The following ADAMTS15 variants were observed in gnomAD, a reference collection of about 807,000 sequenced individuals.
ADAMTS15 encodes ADAM metallopeptidase with thrombospondin type 1 motif 15, also known as A disintegrin and metalloproteinase with thrombospondin motifs 15.
A neutral mutation model predicts 79.1 loss-of-function variants in ADAMTS15; 35 were observed. That is an observed-to-expected ratio of 0.44 (90% CI 0.34 to 0.59). The LOEUF (loss-of-function observed/expected upper bound fraction) is 0.59. Ranked by LOEUF, ADAMTS15 falls within the 20% of genes least tolerant of loss-of-function variation. ADAMTS15 has a pLI of 0.02. For missense variants in ADAMTS15, 1,324 were observed against 1,318.7 expected (o/e 1.00, Z -0.06); for synonymous variants, 616 against 567.3 (o/e 1.09, Z -1.22).
rs1389830421 is a variant in ADAMTS15, at chr11:130,472,751, C to T, written c.2079-296C>T. Among the ~76,000 whole-genome samples, 4 of 150,542 alleles carry T rather than the reference C, an allele frequency of 2.7e-5. No individual in the cohort carries two copies. Among genetic ancestry groups the T allele is most frequent in the East Asian group, 3.9e-4 (2 of 5,124 alleles). On this transcript the variant is annotated intron_variant, in intron 7 of 7. Transcript: ENST00000299164. This position sits in a 1 kb window ranked among gnomAD's most constrained non-coding sequence, Gnocchi z 4.7. ...CTACATATCCTTGATGTGTGCCAGG[C>T]ACCACGCTACATGCTTTCTGTGCTT...
chr11:130,465,446 C>T (rs1162979721), intron 4 of ADAMTS15, among the ~76,000 whole-genome samples: 1 of 152,190 alleles, frequency 6.6e-6, no homozygotes, highest in African/African-American at 2.4e-5. Context: ...AGAATACAAA[C>T]CTGTTGTAAT....
rs1938233349 is a variant in ADAMTS15, at chr11:130,462,936, T to C, written c.1542+156T>C. 6.6e-6 allele frequency among the ~76,000 whole-genome samples: 1 copy of C among 152,210 alleles called. No individual in the cohort carries two copies. The highest frequency in any genetic ancestry group is 1.5e-5 in the Non-Finnish European group (1 of 68,030). ...TGGCTGAGCTGTGCCTTCACTGCCC[T>C]GTATATAGTCCTATCCCCTTCTTGA... On this transcript the variant is annotated intron_variant, in intron 4 of 7. Transcript: ENST00000299164. This position sits in a 1 kb window ranked among gnomAD's most constrained non-coding sequence, Gnocchi z 4.3.
chr11:130,471,013 C>T lies in ADAMTS15; in HGVS notation c.1814C>T (p.Pro605Leu), dbSNP rs1938441134. 7 of 1,613,846 alleles carry T rather than the reference C, an allele frequency of 4.3e-6. No individual in the cohort carries two copies. The highest frequency in any genetic ancestry group is 5.9e-6 in the Non-Finnish European group (7 of 1,180,040). Residue 605 changes from proline (P) to leucine (L), a missense_variant, in exon 6 of 8, where the codon CCC (proline) becomes CTC (leucine). Coordinates refer to ENST00000299164, the MANE Select transcript of ADAMTS15 (RefSeq NM_139055.4). ...NRLTLAVAWV[P>L]KYSGVSPRDK... ...CTCACTCTCGCCGTGGCATGGGTGC[C>T]CAAGTACTCCGGCGTGTCTCCCCGG...
chr11:130,452,413 A>G (rs1188175121), intron 1 of ADAMTS15, among the ~76,000 whole-genome samples: 1 of 152,172 alleles, frequency 6.6e-6, no homozygotes, highest in East Asian at 1.9e-4. Context: ...CTAGAGCCAG[A>G]GTGTTTCTCA....
chr11:130,463,010 G>A (rs1938234814), intron 4 of ADAMTS15, among the ~76,000 whole-genome samples: 1 of 152,262 alleles, frequency 6.6e-6, no homozygotes. Context: ...ACTTGGTGAG[G>A]CCTCAGACAC....
At chr11:130,471,849 G>A (rs1019831431) in intron 7 of ADAMTS15, among the ~76,000 whole-genome samples, 1 of 152,202 alleles carries the variant, frequency 6.6e-6, no homozygotes, top group Non-Finnish European at 1.5e-5. Flanking sequence ...CAAGTAACAC[G>A]GTTAGCATCG....
Position 130,462,219 on chromosome 11 carries a change from C to T in ADAMTS15, c.1223C>T (p.Ala408Val), listed in dbSNP as rs747401091. 2 of 1,614,156 alleles carry T rather than the reference C, an allele frequency of 1.2e-6. No individual in the cohort carries two copies. The highest frequency in any genetic ancestry group is 1.7e-6 in the Non-Finnish European group (2 of 1,179,988). The change falls in exon 3 of 8, where the codon GCT (alanine) becomes GTT (valine). Residue 408 changes from alanine to valine, a missense_variant. Ala to Val is a moderately conservative substitution (Grantham distance 64, BLOSUM62 0). Transcript: ENST00000299164. The surrounding 1 kb of genome is among the most constrained non-coding windows in gnomAD (Gnocchi z 4.3). ...DRANPWSACS[A>V]AIITDFLDSG... The stretch of plus-strand genomic sequence containing the variant: ...GCCAACCCCTGGTCAGCCTGCAGTG[C>T]TGCCATCATCACCGACTTCCTGGAC...
chr11:130,470,166 A>ATATATATATATATGTGTG (rs1938409082), intron 5 of ADAMTS15, among the ~76,000 whole-genome samples: 4 of 57,584 alleles, frequency 6.9e-5, no homozygotes, highest in Non-Finnish European at 1.3e-4. Context: ...ATATATATAT[A>ATATATATATATATGTGTG]TATATATATA....
In ADAMTS15 at chr11:130,455,939, G is replaced by A. The variant is rs543596677; in HGVS notation, c.958-5550G>A. ...CCGGCACTTGCTTGAGCTACAGGGC[G>A]AGGCCTTCCATTCTTGGGGCGATAT... On this transcript the variant is annotated intron_variant, in intron 1 of 7. Coordinates refer to ENST00000299164, the MANE Select transcript of ADAMTS15 (RefSeq NM_139055.4). Among the ~76,000 whole-genome samples, 3 of 152,296 alleles carry A rather than the reference G, an allele frequency of 2.0e-5. No homozygotes were observed. In the East Asian group the frequency reaches 5.8e-4, roughly 29 times the overall value.
At position 130,461,494 on chromosome 11, in the gene ADAMTS15, G is replaced by A. The variant is rs1938198155; in HGVS notation, c.963G>A (p.Leu321=). 1.2e-6 allele frequency: 2 copies of A among 1,614,150 alleles called. No individual in the cohort carries two copies. Among genetic ancestry groups the A allele is most frequent in the Non-Finnish European group, 1.7e-6 (2 of 1,180,040 alleles). ...GCTTCTCCCCCACCCGGCAGGACCT[G>A]TGTGGAGCCACCACCTGTGACACCC... ...DTAILFTRQD[L]CGATTCDTLG... is the part of the protein sequence containing the mutation. The change falls in exon 2 of 8, where the codon CTG becomes CTA. Residue 321 remains leucine, a synonymous_variant. Coordinates refer to ENST00000299164, the MANE Select transcript of ADAMTS15 (RefSeq NM_139055.4).
chr11:130,463,504 C>G (rs930185944), intron 4 of ADAMTS15, among the ~76,000 whole-genome samples: 7 of 152,100 alleles, frequency 4.6e-5, no homozygotes, highest in Non-Finnish European at 1.0e-4. Flanking sequence ...AATAAGAGGT[C>G]TGTTCTCCTC....
intron 1 of ADAMTS15, among the ~76,000 whole-genome samples, chr11:130,457,179 C>T (rs553047661): frequency 7.4e-5 from 11 of 149,110 alleles, no homozygotes; most frequent in African/African-American, 2.5e-4. Context: ...TGCAGTGAGC[C>T]GAGATCACAC....
chr11:130,466,947 A>G (rs920908659), intron 4 of ADAMTS15, among the ~76,000 whole-genome samples: 18 of 150,780 alleles, frequency 1.2e-4, no homozygotes, highest in African/African-American at 3.7e-4. Context: ...GCCCTTCCCA[A>G]CTCCTCCCTA....
At chr11:130,470,174 A>ACATG (rs1938411857) in intron 5 of ADAMTS15, among the ~76,000 whole-genome samples, 4 of 63,578 alleles carry the variant, frequency 6.3e-5, no homozygotes, top group Non-Finnish European at 1.1e-4. Flanking sequence ...ATATATATAT[A>ACATG]TATATATGTG....
At chr11:130,468,247 C>A (rs1938343871) in intron 4 of ADAMTS15, among the ~76,000 whole-genome samples, 1 of 152,182 alleles carries the variant, frequency 6.6e-6, no homozygotes, top group African/African-American at 2.4e-5. Context: ...ATTATCAAAC[C>A]CATTTTTGCA....
rs1565397668 is a variant in ADAMTS15, at chr11:130,470,159, T to TAC, written c.1720+721_1720+722insCA. 6.0e-5 allele frequency among the ~76,000 whole-genome samples: 3 copies of TAC among 50,184 alleles called. 1 individual carries two copies. Among genetic ancestry groups the TAC allele is most frequent in the African/African-American group, 3.6e-4 (3 of 8,446 alleles). 32.9% of individuals were successfully genotyped at this position (50,184 alleles called of 152,430 possible). A position where few individuals can be genotyped will look rare whatever the true frequency, so the allele number is the denominator to read the frequency against. On this transcript the variant is annotated intron_variant, in intron 5 of 7. Coordinates refer to ENST00000299164, the MANE Select transcript of ADAMTS15 (RefSeq NM_139055.4). ...ATATATATATATATATATGTGTATA[T>TAC]ATATATATATATATATATATATGTG...
intron 4 of ADAMTS15, 65 bp from the exon 5 acceptor site, chr11:130,469,197 A>G (rs966396623): frequency 3.0e-6 from 4 of 1,330,520 alleles, no homozygotes; most frequent in East Asian, 5.6e-5. Flanking sequence ...GTAGTTTTCT[A>G]TGGGCTGAGG....
chr11:130,470,184 G>GTATATATATATATATATATATA lies in ADAMTS15; in HGVS notation c.1721-735_1721-734insATATATATATATATATATATAT, dbSNP rs1281455253. Among the ~76,000 whole-genome samples the GTATATATATATATATATATATA allele has an allele frequency of 4.8e-3, 242 of 50,142 alleles. 12 individuals carry two copies. The highest frequency in any genetic ancestry group is 7.3e-3 in the Non-Finnish European group (195 of 26,600). The allele number at this position is 50,142 out of a possible 152,430, so 32.9% of individuals were successfully genotyped here. On this transcript the variant is annotated intron_variant, in intron 5 of 7. Coordinates refer to ENST00000299164, the MANE Select transcript of ADAMTS15 (RefSeq NM_139055.4). ...TATATATATATATATATATATATGT[G>GTATATATATATATATATATATA]TGTATATATATATATATATATATAT...
At chr11:130,465,781 GTCC>G (rs145681931) in intron 4 of ADAMTS15, among the ~76,000 whole-genome samples, 1 of 151,782 alleles carries the variant, frequency 6.6e-6, no homozygotes, top group Non-Finnish European at 1.5e-5. Context: ...CCTCTCGGTT[GTCC>G]TCCTCCTCCT....
Sources: gnomAD v4.1 joint callset for allele counts (sites outside exome capture counted in the v4.1 genomes callset) on GRCh38, gnomAD v4.1.1 for gene constraint, Gnocchi (gnomAD v3.1) non-coding constraint, MANE v1.5 for transcripts, NCBI Gene and HGNC (gene_info 2026-07-23, HGNC 2026-07-21) for gene names.